Variants in TEX11 observed in about 807,000 individuals in gnomAD.
TEX11 encodes testis expressed 11.
In TEX11, 7 loss-of-function variants were observed where a neutral mutation model predicts 84.4. The observed-to-expected ratio is 0.08, with a 90% CI of 0.05 to 0.16. TEX11 has a LOEUF of 0.16. TEX11 is among the 10% of genes least tolerant of loss of function. TEX11 has a pLI of 1.00. For synonymous variants in TEX11, 264 were observed against 222.8 expected (o/e 1.18, Z -1.64); for missense variants, 551 against 660.5 (o/e 0.83, Z 1.82).
chrX:70,778,397 T>C (rs1488740608), intron 9 of TEX11, among the ~76,000 whole-genome samples: 1 of 111,718 alleles, frequency 9.0e-6, no homozygotes, highest in Admixed American at 9.6e-5. Flanking sequence ...AATTCCTATG[T>C]TGAAATCCTA....
At chrX:70,544,142 ACAT>A (rs1226528809) in intron 28 of TEX11, among the ~76,000 whole-genome samples, 1 of 112,114 alleles carries the variant, frequency 8.9e-6, no homozygotes, top group African/African-American at 3.2e-5. Flanking sequence ...ACATTCTTGT[ACAT>A]TACTGCAGAC....
rs1455439771 is a variant in TEX11, at chrX:70,690,347, A to G, written c.1005-7522T>C. ...GGAAACTGTGTAGAGTGTATATGGC[A>G]ACTCTTTGTACTATCTTCCCAATTT... On this transcript the variant is annotated intron_variant, in intron 13 of 29. Transcript: ENST00000374333. 2.7e-5 allele frequency among the ~76,000 whole-genome samples: 3 copies of G among 111,797 alleles called. No homozygotes were observed. The Admixed American group carries it at 2.9e-4, about 11-fold the overall frequency.
intron 9 of TEX11, among the ~76,000 whole-genome samples, chrX:70,799,951 T>C (rs960067990): frequency 4.5e-5 from 5 of 111,845 alleles, no homozygotes; most frequent in Non-Finnish European, 9.4e-5. Flanking sequence ...TCACAAATTG[T>C]TGTGTACAGC....
Position 70,871,659 on chromosome X carries a change from A to C in TEX11, c.244+1564T>G, listed in dbSNP as rs189590944. On this transcript the variant is annotated intron_variant, in intron 4 of 29. Transcript: ENST00000374333. Reference sequence around the variant, plus strand: ...CTGTATCAAAAAAAGTATGATACACATAACAAGCACCCAAATATCTGATTA... The same window carrying C: ...CTGTATCAAAAAAAGTATGATACACCTAACAAGCACCCAAATATCTGATTA... Among the ~76,000 whole-genome samples the C allele has an allele frequency of 6.3e-3, 705 of 111,619 alleles. 5 individuals are homozygous for C. The highest frequency in any genetic ancestry group is 0.022 in the African/African-American group (672 of 30,768).
intron 2 of TEX11, 92 bp downstream of exon 2, chrX:70,907,661 A>G (rs1045204746): frequency 1.0e-5 from 7 of 688,753 alleles, no homozygotes; most frequent in African/African-American, 2.1e-5. Context: ...CAAAGTGCTG[A>G]GATTACAGGC....
At chrX:70,599,217 TTTTC>T (rs2089054670) in intron 24 of TEX11, among the ~76,000 whole-genome samples, 1 of 110,623 alleles carries the variant, frequency 9.0e-6, no homozygotes, top group Non-Finnish European at 1.9e-5. Flanking sequence ...AAAGAAATAT[TTTTC>T]TTTATTTTCT....
chrX:70,776,116 A>G (rs2091000727), intron 9 of TEX11, among the ~76,000 whole-genome samples: 1 of 110,319 alleles, frequency 9.1e-6, no homozygotes, highest in African/African-American at 3.3e-5. Context: ...CTGGGTATTT[A>G]TCTGAAGGAA....
At chrX:70,602,200 T>A (rs928768183) in intron 24 of TEX11, among the ~76,000 whole-genome samples, 4 of 111,653 alleles carry the variant, frequency 3.6e-5, no homozygotes, top group African/African-American at 1.3e-4. Context: ...ATGGGGCGGC[T>A]GGAGGCCAGC....
chrX:70,734,814 A>G (rs180707613), intron 11 of TEX11, among the ~76,000 whole-genome samples: 2 of 111,396 alleles, frequency 1.8e-5, no homozygotes, highest in Admixed American at 9.6e-5. Context: ...TTCTCAAAAA[A>G]CTAGGAATGA....
intron 28 of TEX11, among the ~76,000 whole-genome samples, chrX:70,547,085 C>T (rs1473068750): frequency 5.3e-5 from 5 of 94,215 alleles, no homozygotes; most frequent in Admixed American, 2.4e-4. Flanking sequence ...ACAACATGGA[C>T]GAACCTCAAA....
chrX:70,745,616 C>T lies in TEX11; in HGVS notation c.693-1397G>A, dbSNP rs1416656104. Among the ~76,000 whole-genome samples the T allele has an allele frequency of 2.7e-5, 3 of 111,549 alleles. No homozygotes were observed. The East Asian group carries it at 8.4e-4, about 31-fold the overall frequency. On this transcript the variant is annotated intron_variant, in intron 9 of 29. Transcript: ENST00000374333. ...CGGAGTGATGGCACATGCCTGTAAT[C>T]TCAGCTACTTGGGAGACTGAGGCAT...
At chrX:70,685,558 T>C (rs1374841183) in intron 13 of TEX11, among the ~76,000 whole-genome samples, 3 of 111,967 alleles carry the variant, frequency 2.7e-5, no homozygotes, top group Non-Finnish European at 5.6e-5. Flanking sequence ...TTTTTTTGTA[T>C]AGAACACCAA....
At chrX:70,731,206 G>A (rs181498443) in intron 11 of TEX11, among the ~76,000 whole-genome samples, 1 of 111,756 alleles carries the variant, frequency 8.9e-6, no homozygotes, top group East Asian at 2.8e-4. Context: ...AAGCAGGAAA[G>A]ATCCAAAATT....
intron 25 of TEX11, among the ~76,000 whole-genome samples, chrX:70,568,951 C>T (rs1603080592): frequency 9.0e-6 from 1 of 111,405 alleles, no homozygotes; most frequent in African/African-American, 3.3e-5. Context: ...GAATGTTGGC[C>T]TGCCTTGTTA....
At position 70,560,307 on chromosome X, in the gene TEX11, C is replaced by T. The variant is rs944112807; in HGVS notation, c.2141-5507G>A. 1.1e-4 allele frequency among the ~76,000 whole-genome samples: 12 copies of T among 109,776 alleles called. No individual in the cohort carries two copies. The East Asian group carries it at 1.7e-3, about 16-fold the overall frequency. On this transcript the variant is annotated intron_variant, in intron 25 of 29. Transcript: ENST00000374333. ...CTGGGATTACAGGTATGTGCCACCA[C>T]GCCCGCTTAATTTTGTATTTTTAGT...
chrX:70,681,622 G>A (rs2090148564), intron 14 of TEX11, among the ~76,000 whole-genome samples: 1 of 111,645 alleles, frequency 9.0e-6, no homozygotes, highest in African/African-American at 3.2e-5. Context: ...ATACAGTACA[G>A]ATTGTTGTAT....
intron 28 of TEX11, among the ~76,000 whole-genome samples, chrX:70,536,568 C>T (rs73538748): frequency 0.085 from 9,501 of 111,513 alleles, 737 homozygotes; most frequent in African/African-American, 0.25. Flanking sequence ...TGTCCCAATA[C>T]CATTTTACCA....
rs112682123 is a variant in TEX11 at position 70,786,079 on chromosome X, T to G, written c.692+20626A>C. On this transcript the variant is annotated intron_variant, in intron 9 of 29. Coordinates refer to ENST00000374333, the MANE Select transcript of TEX11 (RefSeq NM_031276.3). Reference sequence around the variant, plus strand: ...GACTTGGAACCAACCCAAATGTCCATCAATGATAGACTGGATTAAGAAAAT... The same window carrying G: ...GACTTGGAACCAACCCAAATGTCCAGCAATGATAGACTGGATTAAGAAAAT... Among the ~76,000 whole-genome samples, 3 of 112,059 alleles carry G rather than the reference T, an allele frequency of 2.7e-5. No homozygotes were observed. The East Asian group carries it at 8.4e-4, about 31-fold the overall frequency.
intron 8 of TEX11, among the ~76,000 whole-genome samples, chrX:70,812,208 A>AT (rs2091259521): frequency 2.1e-5 from 1 of 48,214 alleles, no homozygotes; most frequent in East Asian, 1.1e-3. Flanking sequence ...ATCTTGAATT[A>AT]ATTTTTTTTT....
Sources: allele counts gnomAD v4.1 joint callset (sites outside exome capture counted in the v4.1 genomes callset), GRCh38; gene constraint gnomAD v4.1.1; transcripts MANE v1.5; gene names NCBI Gene and HGNC (gene_info 2026-07-23, HGNC 2026-07-21).